DAB1: variants seen among roughly 807,000 people sequenced by gnomAD.
DAB1 encodes disabled homolog 1.
DAB1 carries 15 observed loss-of-function variants against 64.6 expected under a neutral mutation model. That is an observed-to-expected ratio of 0.23 (90% confidence interval 0.16 to 0.36). The LOEUF is 0.36. DAB1 is among the 10% of genes least tolerant of loss of function. The pLI is 1.00. For synonymous variants in DAB1, 235 were observed against 251.9 expected (o/e 0.93, Z 0.64); for missense variants, 596 against 706.7 (o/e 0.84, Z 1.78).
At chr1:57,270,254 C>T (rs1670891106) in intron 2 of DAB1, among the ~76,000 whole-genome samples, 1 of 152,194 alleles carries the variant, frequency 6.6e-6, no homozygotes, top group Non-Finnish European at 1.5e-5. Flanking sequence ...GCTGGGCATT[C>T]AAATACTCTG....
At chr1:57,093,684 T>C (rs568199270) in intron 4 of DAB1, among the ~76,000 whole-genome samples, 1 of 152,334 alleles carries the variant, frequency 6.6e-6, no homozygotes, top group South Asian at 2.1e-4. Flanking sequence ...TGGGCACTAC[T>C]TTCACTCCTA....
chr1:57,796,569 C>A (rs918837328), intron 6 of DAB1, among the ~76,000 whole-genome samples: 7 of 148,538 alleles, frequency 4.7e-5, no homozygotes, highest in African/African-American at 1.8e-4. Context: ...TAATCATAAT[C>A]ATAATCCATT....
intron 3 of DAB1, among the ~76,000 whole-genome samples, chr1:58,419,599 C>T (rs1331886312): frequency 1.3e-5 from 2 of 152,214 alleles, no homozygotes; most frequent in African/African-American, 4.8e-5. Flanking sequence ...CTGCTCCTTT[C>T]TGTATGTCAG....
intron 4 of DAB1, among the ~76,000 whole-genome samples, chr1:58,296,261 G>GAAAGAAAGA (rs1553173621): frequency 7.1e-5 from 10 of 140,392 alleles, no homozygotes; most frequent in Admixed American, 7.1e-5. Context: ...AAGAAAGAAA[G>GAAAGAAAGA]AAAAGTGAGG....
At chr1:57,692,506 A>AAGAGACAAAGAGGGAGTCAGAG (rs1553209651) in intron 6 of DAB1, among the ~76,000 whole-genome samples, 4 of 152,220 alleles carry the variant, frequency 2.6e-5, no homozygotes, top group African/African-American at 9.6e-5. Context: ...GAGAGAGAGG[A>AAGAGACAAAGAGGGAGTCAGAG]AGAGACAAAG....
At chr1:57,258,647 A>G (rs183601376) in intron 2 of DAB1, among the ~76,000 whole-genome samples, 1 of 152,158 alleles carries the variant, frequency 6.6e-6, no homozygotes, top group African/African-American at 2.4e-5. Flanking sequence ...TTTGAACTAC[A>G]TTTACCATCT....
At chr1:57,050,746 T>C (rs1006702780) in intron 9 of DAB1, among the ~76,000 whole-genome samples, 2 of 152,234 alleles carry the variant, frequency 1.3e-5, no homozygotes, top group Non-Finnish European at 2.9e-5. Flanking sequence ...ATTATTTTTA[T>C]AGGTCTATCT....
Position 58,482,229 on chromosome 1 carries a change from C to A in DAB1, n.257+23831G>T, listed in dbSNP as rs569489877. Among the ~76,000 whole-genome samples, 14 of 152,186 alleles carry A rather than the reference C, an allele frequency of 9.2e-5. 1 individual carries two copies. Among genetic ancestry groups the A allele is most frequent in the Admixed American group, 6.5e-4 (10 of 15,280 alleles). ...TGGAAAGAGAGGGCTTACGTCTCAT[C>A]CTGTAAGGTGGAAAATAATTAAGGC... On this transcript the variant is annotated intron_variant and non_coding_transcript_variant, in intron 3 of 20. Coordinates refer to the DAB1 transcript ENST00000485760.
intron 4 of DAB1, among the ~76,000 whole-genome samples, chr1:58,208,557 T>C (rs1658397317): frequency 6.6e-6 from 1 of 152,192 alleles, no homozygotes; most frequent in African/African-American, 2.4e-5. Flanking sequence ...GGTTTTCCAT[T>C]CCCGAGTTGC....
chr1:57,285,458 A>G (rs1019529845), intron 2 of DAB1, among the ~76,000 whole-genome samples: 1 of 152,030 alleles, frequency 6.6e-6, no homozygotes, highest in Non-Finnish European at 1.5e-5. Flanking sequence ...TTTTTAGTAG[A>G]GACAGGGTTT....
rs182699548 is a variant in DAB1 at position 57,367,125 on chromosome 1, A to G, written c.-137+56805T>C. 7.3e-4 allele frequency among the ~76,000 whole-genome samples: 110 copies of G among 150,480 alleles called. 1 individual carries two copies. The highest frequency in any genetic ancestry group is 1.5e-3 in the Non-Finnish European group (99 of 67,412). ...AAATAAAATAAAATAAAATAAATAA[A>G]TTAGCCAGGCATGGTGCCATACATC... On this transcript the variant is annotated intron_variant, in intron 1 of 14. Coordinates refer to ENST00000371236, the MANE Select transcript of DAB1 (RefSeq NM_001365792.1).
At chr1:58,430,519 GC>G (rs1162213166) in intron 3 of DAB1, among the ~76,000 whole-genome samples, 1 of 152,192 alleles carries the variant, frequency 6.6e-6, no homozygotes, top group Non-Finnish European at 1.5e-5. Context: ...CGCCAGAAGT[GC>G]CCTGGGGCAG....
intron 4 of DAB1, among the ~76,000 whole-genome samples, chr1:57,076,288 T>A (rs887327232): frequency 2.0e-5 from 3 of 152,194 alleles, no homozygotes; most frequent in Admixed American, 6.5e-5. Context: ...GAAAGGCAGA[T>A]GCTGGTTGCC....
intron 7 of DAB1, among the ~76,000 whole-genome samples, chr1:57,616,168 T>C (rs2101609428): frequency 6.6e-6 from 1 of 152,320 alleles, no homozygotes; most frequent in Non-Finnish European, 1.5e-5. Flanking sequence ...TTCTGAATTA[T>C]GCTGAGCTCA....
intron 1 of DAB1, among the ~76,000 whole-genome samples, chr1:57,316,208 C>T (rs1675194812): frequency 6.6e-6 from 1 of 152,142 alleles, no homozygotes; most frequent in African/African-American, 2.4e-5. Flanking sequence ...ACAGGTGAGG[C>T]ATTTTGTACA....
At chr1:57,283,544 C>T (rs1317792177) in intron 2 of DAB1, among the ~76,000 whole-genome samples, 5 of 152,212 alleles carry the variant, frequency 3.3e-5, no homozygotes, top group South Asian at 2.1e-4. Context: ...CTCTAAGATA[C>T]GAACTACTAT....
chr1:57,360,952 C>A (rs1471401175), intron 1 of DAB1, among the ~76,000 whole-genome samples: 1 of 151,942 alleles, frequency 6.6e-6, no homozygotes, highest in Non-Finnish European at 1.5e-5. Context: ...ATGTAAGGAC[C>A]CATAGGTAAA....
rs565271434 is a variant in DAB1, at chr1:57,263,434, T to C, written c.67+27530A>G. 2.6e-5 allele frequency among the ~76,000 whole-genome samples: 4 copies of C among 152,296 alleles called. No homozygotes were observed. In the South Asian group the frequency reaches 8.3e-4, roughly 32 times the overall value. ...TGCGCCTGGCTGAAGATACAACTTTTTTACTGAGTTGTTGTGAAGATTAAG... is the reference window on the plus strand; with the variant it reads ...TGCGCCTGGCTGAAGATACAACTTTCTTACTGAGTTGTTGTGAAGATTAAG... On this transcript the variant is annotated intron_variant, in intron 2 of 14. Coordinates refer to ENST00000371236, the MANE Select transcript of DAB1 (RefSeq NM_001365792.1).
At chr1:58,137,723 C>G (rs763044155) in intron 5 of DAB1, among the ~76,000 whole-genome samples, 5 of 152,230 alleles carry the variant, frequency 3.3e-5, no homozygotes, top group Non-Finnish European at 7.3e-5. Context: ...CTGCCTGTTA[C>G]AGCAGCATGT....
Sources: gnomAD v4.1 joint callset for allele counts (sites outside exome capture counted in the v4.1 genomes callset) on GRCh38, gnomAD v4.1.1 for gene constraint, MANE v1.5 for transcripts, NCBI Gene and HGNC (gene_info 2026-07-23, HGNC 2026-07-21) for gene names.